The following CACNA1H variants were observed in gnomAD, a reference collection of about 807,000 sequenced individuals.
CACNA1H encodes calcium voltage-gated channel subunit alpha1 H, also known as voltage-dependent T-type calcium channel subunit alpha-1H.
Under a neutral mutation model 192.5 loss-of-function variants are expected in CACNA1H, and 149 were observed. That is an observed-to-expected ratio of 0.77 (90% CI 0.68 to 0.89). CACNA1H has a LOEUF of 0.89. CACNA1H is among the 40% of genes least tolerant of loss of function. The pLI, the probability that CACNA1H is intolerant of heterozygous loss-of-function variation, is 0.00. For synonymous variants in CACNA1H, 2,202 were observed against 1,475.2 expected (o/e 1.49, Z -11.29); for missense variants, 4,257 against 3,423.5 (o/e 1.24, Z -6.08).
Position 1,221,607 on chromosome 16 carries a change from C to T in CACNA1H, c.*613C>T, listed in dbSNP as rs976448714. 1.5e-5 allele frequency: 10 copies of T among 680,988 alleles called. No homozygotes were observed. Among genetic ancestry groups the T allele is most frequent in the Non-Finnish European group, 2.2e-5 (9 of 417,214 alleles). The allele number at this position is 680,988 out of a possible 1,614,324, so 42.2% of individuals were successfully genotyped here. A position where few individuals can be genotyped will look rare whatever the true frequency, so the allele number is the denominator to read the frequency against. ...CCCGGCCCCGATGCGAATCAGGCCTCCCCTACATCTGGGGGCGTTGGCCGC... is the reference window on the plus strand; with the variant it reads ...CCCGGCCCCGATGCGAATCAGGCCTTCCCTACATCTGGGGGCGTTGGCCGC... On this transcript the variant is annotated 3_prime_UTR_variant, in exon 35 of 35. Transcript: ENST00000348261.
In CACNA1H at chr16:1,195,506, G is replaced by A; in HGVS notation, c.486G>A (p.Gly162=). The A allele has an allele frequency of 6.2e-7, 1 of 1,601,758 alleles. No homozygotes were observed. Among genetic ancestry groups the A allele is most frequent in the South Asian group, 1.1e-5 (1 of 88,494 alleles). ...VIKMVALGLF[G]QKCYLGDTWN... ...AGATGGTGGCCTTGGGGCTGTTCGGGCAGAAGTGTTACCTGGGTGACACGT... is the reference window on the plus strand; with the variant it reads ...AGATGGTGGCCTTGGGGCTGTTCGGACAGAAGTGTTACCTGGGTGACACGT... The change falls in exon 4 of 35, where the codon GGG becomes GGA. Residue 162 remains glycine (G), a synonymous_variant. Transcript: ENST00000348261.
chr16:1,162,651 G>T (rs1486481074), intron 2 of CACNA1H, among the ~76,000 whole-genome samples: 1 of 149,626 alleles, frequency 6.7e-6, no homozygotes, highest in Non-Finnish European at 1.5e-5. Flanking sequence ...GGGGGGGGGG[G>T]TCCATCCTAG....
chr16:1,171,298 T>A (rs116722927), intron 2 of CACNA1H, among the ~76,000 whole-genome samples: 2,742 of 152,062 alleles, frequency 0.018, 72 homozygotes, highest in African/African-American at 0.061. Context: ...TCTGGGGGGA[T>A]CGTGGGGCTT....
At chr16:1,207,698 G>T in intron 14 of CACNA1H, 72 bp from the exon 15 acceptor site, 1 of 1,363,714 alleles carries the variant, frequency 7.3e-7, no homozygotes, top group Non-Finnish European at 1.0e-6. Context: ...GGCCAGCCCA[G>T]ACTTCTGTCC....
chr16:1,167,986 A>C lies in CACNA1H; in HGVS notation c.299+13950A>C, dbSNP rs1439962335. Among the ~76,000 whole-genome samples the C allele has an allele frequency of 6.6e-6, 1 of 152,120 alleles. No homozygotes were observed. The highest frequency in any genetic ancestry group is 2.4e-5 in the African/African-American group (1 of 41,424). ...GCCTGGAGGCGGCCGCTTGTCCCCA[A>C]GGCCTGGTGACCGCACCTCTGTCTG... On this transcript the variant is annotated intron_variant, in intron 2 of 34. Coordinates refer to ENST00000348261, the MANE Select transcript of CACNA1H (RefSeq NM_021098.3). The surrounding 1 kb of genome is among the most constrained non-coding windows in gnomAD (Gnocchi z 4.2).
At chr16:1,206,581 G>C in intron 12 of CACNA1H, 1 of 485,990 alleles carries the variant, frequency 2.1e-6, no homozygotes, top group Non-Finnish European at 3.7e-6. Flanking sequence ...GCAGGCACCA[G>C]GCTCCAACTG....
chr16:1,184,943 A>T (rs1033015058), intron 2 of CACNA1H, among the ~76,000 whole-genome samples: 1 of 152,168 alleles, frequency 6.6e-6, no homozygotes, highest in East Asian at 1.9e-4. Context: ...TTTAAAGCGC[A>T]CGGGTTAGCG....
chr16:1,200,236 C>G lies in CACNA1H; in HGVS notation c.804-20C>G, dbSNP rs72552032. On this transcript the variant is annotated intron_variant, in intron 6 of 34. Coordinates refer to ENST00000348261, the MANE Select transcript of CACNA1H (RefSeq NM_021098.3). ...CTGACCCTGATTGTACCTTTTGGCC[C>G]TGGCTGTGCCCATCCCCAGGAACAA... is the stretch of plus-strand genomic sequence containing the variant. The G allele has an allele frequency of 3.2e-6, 5 of 1,575,262 alleles. No individual in the cohort carries two copies. Among genetic ancestry groups the G allele is most frequent in the Non-Finnish European group, 2.6e-6 (3 of 1,159,586 alleles).
intron 8 of CACNA1H, 129 bp downstream of exon 8, chr16:1,200,937 A>T: frequency 1.5e-5 from 8 of 517,820 alleles, no homozygotes; most frequent in Non-Finnish European, 2.0e-5. Context: ...CAGGGGAGGG[A>T]GGCAGAGCTT....
rs775658046 is a variant in CACNA1H at position 1,209,296 on chromosome 16, C to T, written c.3628C>T (p.Pro1210Ser). Reference protein sequence around the residue: ...DPRPLRPAALPPTKCRDRDGQ... With the variant: ...DPRPLRPAALSPTKCRDRDGQ... ...ACGGCCCCTGCGGCCGGCCGCCCTC[C>T]CGCCTACCAAGTGCCGCGATCGCGA... Residue 1210 changes from proline (P) to serine (S), a missense_variant, in exon 17 of 35, where the codon CCG (proline) becomes TCG (serine). Coordinates refer to ENST00000348261, the MANE Select transcript of CACNA1H (RefSeq NM_021098.3). 1 of 1,588,164 alleles carries T rather than the reference C, an allele frequency of 6.3e-7. No homozygotes were observed.
Position 1,210,967 on chromosome 16 carries a change from C to G in CACNA1H, c.4219C>G (p.Leu1407Val). The change falls in exon 21 of 35, where the codon CTG becomes GTG. Residue 1407 changes from leucine to valine, a missense_variant. Transcript: ENST00000348261. Reference sequence around the variant, plus strand: ...GCGTCTGCTGCGGACCCTGCGGCCTCTGAGGTGGGGGGCTCCCCGTGGGCT... The same window carrying G: ...GCGTCTGCTGCGGACCCTGCGGCCTGTGAGGTGGGGGGCTCCCCGTGGGCT... ...VLRLLRTLRP[L>V]RVISRAPGLK... 1 of 1,595,386 alleles carries G rather than the reference C, an allele frequency of 6.3e-7. No individual in the cohort carries two copies. The highest frequency in any genetic ancestry group is 8.5e-7 in the Non-Finnish European group (1 of 1,176,494).
chr16:1,184,644 G>A (rs1487396024), intron 2 of CACNA1H, among the ~76,000 whole-genome samples: 4 of 152,238 alleles, frequency 2.6e-5, no homozygotes, highest in Admixed American at 6.5e-5. Context: ...TCACGTGGCC[G>A]GGTGGGTCTG....
In CACNA1H at chr16:1,201,907, G is replaced by T. The variant is rs1967973162; in HGVS notation, c.1457G>T (p.Trp486Leu). ...LRLYARWQSR[W>L]RKKVDPSAVQ... is the part of the protein sequence containing the mutation. ...CTCTACGCCCGCTGGCAGAGCCGCT[G>T]GCGCAAGAAGGTGGACCCCAGTGCT... The change falls in exon 9 of 35, where the codon TGG becomes TTG. Residue 486 changes from tryptophan (W) to leucine (L), a missense_variant. Transcript: ENST00000348261. 4 of 1,550,268 alleles carry T rather than the reference G, an allele frequency of 2.6e-6. No individual in the cohort carries two copies. The highest frequency in any genetic ancestry group is 1.7e-4 in the Middle Eastern group (1 of 5,896).
intron 5 of CACNA1H, among the ~76,000 whole-genome samples, chr16:1,197,912 C>T (rs574211199): frequency 6.6e-6 from 1 of 152,272 alleles, no homozygotes; most frequent in South Asian, 2.1e-4. Context: ...GACCCACTTG[C>T]TGGATTAATC....
chr16:1,195,504 G>A lies in CACNA1H; in HGVS notation c.484G>A (p.Gly162Arg), dbSNP rs867084712. 4.4e-6 allele frequency: 7 copies of A among 1,600,988 alleles called. No individual in the cohort carries two copies. Among genetic ancestry groups the A allele is most frequent in the African/African-American group, 2.7e-5 (2 of 74,702 alleles). The change falls in exon 4 of 35, where the codon GGG becomes AGG. Residue 162 changes from glycine (G) to arginine (R), a missense_variant. By Grantham distance (125) the Gly-to-Arg change is moderately radical. Transcript: ENST00000348261. ...CAAGATGGTGGCCTTGGGGCTGTTC[G>A]GGCAGAAGTGTTACCTGGGTGACAC... ...VIKMVALGLF[G>R]QKCYLGDTWN...
intron 2 of CACNA1H, among the ~76,000 whole-genome samples, chr16:1,173,268 G>C (rs1281428575): frequency 6.6e-6 from 1 of 152,186 alleles, no homozygotes; most frequent in Non-Finnish European, 1.5e-5. Flanking sequence ...GCAGGGGTTT[G>C]GGTGGGTGGC....
chr16:1,208,980 G>A lies in CACNA1H; in HGVS notation c.3364-52G>A, dbSNP rs12918216. On this transcript the variant is annotated intron_variant, in intron 16 of 34. Coordinates refer to ENST00000348261, the MANE Select transcript of CACNA1H (RefSeq NM_021098.3). ...ACAGTGGGTGCTCCGTAATGACAGC[G>A]GTCGGTGCTAATAGTGATGCCACCA... 12,068 of 1,406,950 alleles carry A rather than the reference G, an allele frequency of 8.6e-3. 63 individuals carry two copies. The highest frequency in any genetic ancestry group is 0.013 in the Middle Eastern group (50 of 3,744). 87.2% of individuals were successfully genotyped at this position (1,406,950 alleles called of 1,614,324 possible).
At chr16:1,208,259 C>T (rs1968991877) in intron 16 of CACNA1H, 38 bp downstream of exon 16, 12 of 1,444,278 alleles carry the variant, frequency 8.3e-6, no homozygotes, top group African/African-American at 1.4e-5. Flanking sequence ...CAGGCCCCTT[C>T]AGGTTTTCCC....
intron 2 of CACNA1H, among the ~76,000 whole-genome samples, chr16:1,190,421 C>T (rs892561053): frequency 2.6e-5 from 4 of 152,238 alleles, no homozygotes; most frequent in Non-Finnish European, 5.9e-5. Context: ...CACATGAGGG[C>T]CAGCCTGCTC....
Sources: allele counts gnomAD v4.1 joint callset (sites outside exome capture counted in the v4.1 genomes callset), GRCh38; gene constraint gnomAD v4.1.1; non-coding constraint Gnocchi (gnomAD v3.1); transcripts MANE v1.5; gene names NCBI Gene and HGNC (gene_info 2026-07-23, HGNC 2026-07-21).